RPS6KA2: variants seen among roughly 807,000 people sequenced by gnomAD.
The protein encoded by RPS6KA2 is ribosomal protein S6 kinase alpha-2.
Under a neutral mutation model 91.8 loss-of-function variants are expected in RPS6KA2, and 42 were observed. The ratio of observed to expected loss-of-function variants is 0.46; its 90% CI spans 0.36 to 0.59. The LOEUF (loss-of-function observed/expected upper bound fraction) is 0.59, where lower values mean the gene tolerates loss of function less well. Ranked by LOEUF, RPS6KA2 falls within the 20% of genes least tolerant of loss-of-function variation. The pLI, the probability that RPS6KA2 is intolerant of heterozygous loss-of-function variation, is 0.00. For missense variants in RPS6KA2, 798 were observed against 978.5 expected (o/e 0.82, Z 2.46); for synonymous variants, 414 against 393.6 (o/e 1.05, Z -0.61).
At chr6:166,858,492 A>C (rs1780967643) in intron 1 of RPS6KA2, among the ~76,000 whole-genome samples, 1 of 152,256 alleles carries the variant, frequency 6.6e-6, no homozygotes, top group Non-Finnish European at 1.5e-5. Context: ...AGGAGTGTTC[A>C]CACTAAACCC....
chr6:166,790,234 G>A (rs561726639), intron 2 of RPS6KA2, among the ~76,000 whole-genome samples: 62 of 152,318 alleles, frequency 4.1e-4, no homozygotes, highest in African/African-American at 1.3e-3. Flanking sequence ...CTCAGGAGCC[G>A]ATGCGATCAA....
At chr6:166,650,234 G>C (rs1787809257) in intron 2 of RPS6KA2, among the ~76,000 whole-genome samples, 1 of 151,780 alleles carries the variant, frequency 6.6e-6, no homozygotes, top group Admixed American at 6.6e-5. Flanking sequence ...ATGAGATAAG[G>C]CCTCCCCTGG....
intron 2 of RPS6KA2, among the ~76,000 whole-genome samples, chr6:166,706,514 C>A (rs914692925): frequency 1.3e-5 from 2 of 151,892 alleles, no homozygotes; most frequent in African/African-American, 4.8e-5. Flanking sequence ...TCCTGCAATT[C>A]TTCTGGAAGC....
At chr6:166,422,984 A>C (rs1211455982) in intron 17 of RPS6KA2, among the ~76,000 whole-genome samples, 1 of 152,216 alleles carries the variant, frequency 6.6e-6, no homozygotes, top group Non-Finnish European at 1.5e-5. Context: ...ATTTCATCCA[A>C]ATTGTCTACA....
rs1159263593 is a variant in RPS6KA2 at position 166,451,200 on chromosome 6, T to A, written c.1109A>T (p.His370Leu). The A allele has an allele frequency of 6.2e-7, 1 of 1,614,076 alleles. No individual in the cohort carries two copies. Among genetic ancestry groups the A allele is most frequent in the South Asian group, 1.1e-5 (1 of 91,086 alleles). Residue 370 changes from histidine to leucine, a missense_variant, in exon 13 of 21, where the codon CAT (histidine) becomes CTT (leucine). By Grantham distance (99) the His-to-Leu change is moderately conservative. Coordinates refer to ENST00000265678, the MANE Select transcript of RPS6KA2 (RefSeq NM_021135.6). ...AAAGCTGAATCCTCTAAACAGGTGA[T>A]GAGCGTTTGCACTCGGGGGGACGCC... is the stretch of plus-strand genomic sequence containing the variant. ...SPGVPPSANA[H>L]HLFRGFSFVA...
intron 2 of RPS6KA2, among the ~76,000 whole-genome samples, chr6:166,847,036 C>T (rs929934994): frequency 2.6e-5 from 4 of 152,110 alleles, no homozygotes; most frequent in African/African-American, 4.8e-5. Flanking sequence ...CCAAAAAGCT[C>T]CTTTAACTGG....
chr6:166,452,469 A>G (rs1779949012), intron 12 of RPS6KA2, among the ~76,000 whole-genome samples: 1 of 152,206 alleles, frequency 6.6e-6, no homozygotes, highest in Non-Finnish European at 1.5e-5. Context: ...TAGAAAAAAC[A>G]ATCCTAAAGT....
intron 1 of RPS6KA2, among the ~76,000 whole-genome samples, chr6:166,582,825 A>G (rs946560164): frequency 6.6e-6 from 1 of 152,210 alleles, no homozygotes; most frequent in African/African-American, 2.4e-5. Context: ...AAAACAAAAC[A>G]CAAAAAAACC....
At position 166,412,627 on chromosome 6, in the gene RPS6KA2, C is replaced by G; in HGVS notation, c.*135G>C. 1.1e-6 allele frequency: 1 copy of G among 889,072 alleles called. No homozygotes were observed. The highest frequency in any genetic ancestry group is 1.6e-6 in the Non-Finnish European group (1 of 611,972). The allele number at this position is 889,072 out of a possible 1,614,324, so 55.1% of individuals were successfully genotyped here. Reference sequence around the variant, plus strand: ...CCCTCTCCGGGGCTGAAAAAGAAAACACGGACACGGCGAGGGCGGGCGCCG... The same window carrying G: ...CCCTCTCCGGGGCTGAAAAAGAAAAGACGGACACGGCGAGGGCGGGCGCCG... On this transcript the variant is annotated 3_prime_UTR_variant, in exon 21 of 21. Transcript: ENST00000265678. This position sits in a 1 kb window ranked among gnomAD's most constrained non-coding sequence, Gnocchi z 4.3.
chr6:166,490,875 C>G lies in RPS6KA2; in HGVS notation c.748-134G>C. On this transcript the variant is annotated intron_variant, in intron 8 of 20. Transcript: ENST00000265678. This position sits in a 1 kb window ranked among gnomAD's most constrained non-coding sequence, Gnocchi z 4.2. ...AATCTCCATCAGTCAATTGTAGCCA[C>G]TGGCCTACGTGCTTGGGGTACAACA... 1 of 667,700 alleles carries G rather than the reference C, an allele frequency of 1.5e-6. No homozygotes were observed. Among genetic ancestry groups the G allele is most frequent in the Non-Finnish European group, 2.7e-6 (1 of 377,030 alleles). 41.4% of individuals were successfully genotyped at this position (667,700 alleles called of 1,614,324 possible).
chr6:166,790,764 A>C (rs1394219750), intron 2 of RPS6KA2, among the ~76,000 whole-genome samples: 11 of 152,246 alleles, frequency 7.2e-5, no homozygotes, highest in African/African-American at 2.7e-4. Context: ...AGCCAAACTA[A>C]GCTTCATAAG....
Position 166,660,835 on chromosome 6 carries a change from AT to A in RPS6KA2, c.124-122052del, listed in dbSNP as rs34127904. On this transcript the variant is annotated intron_variant, in intron 2 of 21. Transcript: ENST00000503859. Reference sequence around the variant, plus strand: ...GGTTTGACTACTCCCCCATTGATGGATTTTTTTTTAAATAAAAAATAACAGC... The same window carrying A: ...GGTTTGACTACTCCCCCATTGATGGATTTTTTTTAAATAAAAAATAACAGC... Among the ~76,000 whole-genome samples the A allele has an allele frequency of 2.9e-3, 446 of 151,666 alleles. 2 individuals carry two copies. Among genetic ancestry groups the A allele is most frequent in the African/African-American group, 1.0e-2 (412 of 41,308 alleles).
At chr6:166,649,230 C>T (rs1562364082) in intron 2 of RPS6KA2, among the ~76,000 whole-genome samples, 2 of 152,184 alleles carry the variant, frequency 1.3e-5, no homozygotes, top group African/African-American at 4.8e-5. Flanking sequence ...CCCGTCTGCG[C>T]TCCTGCCCCT....
chr6:166,800,230 G>A (rs1292070765), intron 2 of RPS6KA2, among the ~76,000 whole-genome samples: 1 of 152,198 alleles, frequency 6.6e-6, no homozygotes, highest in Non-Finnish European at 1.5e-5. Flanking sequence ...CGTACCAGGA[G>A]GCCGGCAAAG....
Position 166,445,175 on chromosome 6 carries a change from C to T in RPS6KA2, c.1332+3549G>A, listed in dbSNP as rs1010352778. 1.3e-5 allele frequency among the ~76,000 whole-genome samples: 2 copies of T among 151,828 alleles called. No individual in the cohort carries two copies. Among genetic ancestry groups the T allele is most frequent in the Non-Finnish European group, 2.9e-5 (2 of 67,950 alleles). On this transcript the variant is annotated intron_variant, in intron 14 of 20. Coordinates refer to ENST00000265678, the MANE Select transcript of RPS6KA2 (RefSeq NM_021135.6). The surrounding 1 kb of genome is among the most constrained non-coding windows in gnomAD (Gnocchi z 4.5). ...ACCGTCATAGAGGTGAAGAGCTGGC[C>T]CCACTCTCCTCTTAGAAGGACCTGC...
intron 2 of RPS6KA2, among the ~76,000 whole-genome samples, chr6:166,790,911 G>A (rs1187444989): frequency 6.6e-6 from 1 of 152,150 alleles, no homozygotes; most frequent in Non-Finnish European, 1.5e-5. Flanking sequence ...GCAAAAACAT[G>A]CCAAAATGTA....
chr6:166,555,592 G>A (rs149471710), intron 1 of RPS6KA2, among the ~76,000 whole-genome samples: 28 of 151,906 alleles, frequency 1.8e-4, no homozygotes, highest in Non-Finnish European at 2.6e-4. Context: ...TTCTCCCATC[G>A]CCTCGTTCAG....
intron 17 of RPS6KA2, among the ~76,000 whole-genome samples, chr6:166,422,928 TAAG>T (rs1778775636): frequency 6.6e-6 from 1 of 152,214 alleles, no homozygotes; most frequent in Non-Finnish European, 1.5e-5. Flanking sequence ...CCTGGTTGTA[TAAG>T]GAGACTACTG....
intron 2 of RPS6KA2, among the ~76,000 whole-genome samples, chr6:166,659,883 A>C (rs1003631670): frequency 1.3e-5 from 2 of 152,140 alleles, no homozygotes; most frequent in Non-Finnish European, 2.9e-5. Flanking sequence ...TGGTTGTAAG[A>C]ATCCAAGTAA....
Sources: allele counts gnomAD v4.1 joint callset (sites outside exome capture counted in the v4.1 genomes callset), GRCh38; gene constraint gnomAD v4.1.1; non-coding constraint Gnocchi (gnomAD v3.1); transcripts MANE v1.5; gene names NCBI Gene and HGNC (gene_info 2026-07-23, HGNC 2026-07-21).